Variants in MYO9A observed in about 807,000 individuals in gnomAD.
MYO9A encodes myosin IXA.
In MYO9A, 103 loss-of-function variants were observed where a neutral mutation model predicts 293.3. That is an observed-to-expected ratio of 0.35 (90% CI 0.30 to 0.41). The LOEUF is 0.41. Among genes scored for constraint, MYO9A ranks in the 10% least tolerant of loss-of-function variants. MYO9A has a pLI of 1.00. For missense variants in MYO9A, 2,685 were observed against 3,033.0 expected (o/e 0.89, Z 2.69); for synonymous variants, 1,001 against 1,035.7 (o/e 0.97, Z 0.64).
rs369426538 is a variant in MYO9A at position 71,903,004 on chromosome 15, G to A, written c.2937C>T (p.Asn979=). The A allele has an allele frequency of 2.8e-5, 45 of 1,587,438 alleles. No homozygotes were observed. In the African/African-American group the frequency reaches 5.9e-4, roughly 21 times the overall value. ...LPRNIIPSKF[N]IQDFFRKINL... Reference sequence around the variant, plus strand: ...TTATTTTCCTGAAGAAATCCTGAATGTTAAATTTGGATGGAATAATATTTC... The same window carrying A: ...TTATTTTCCTGAAGAAATCCTGAATATTAAATTTGGATGGAATAATATTTC... Residue 979 remains asparagine, a synonymous_variant, in exon 22 of 42, where the codon AAC becomes AAT. Coordinates refer to ENST00000356056, the MANE Select transcript of MYO9A (RefSeq NM_006901.4).
intron 3 of MYO9A, among the ~76,000 whole-genome samples, chr15:72,031,599 G>A (rs2077873579): frequency 1.3e-5 from 2 of 152,056 alleles, no homozygotes; most frequent in African/African-American, 2.4e-5. Context: ...ACTATCTTTG[G>A]GTAACTGAAG....
chr15:72,003,850 A>G (rs1025586923), intron 8 of MYO9A, among the ~76,000 whole-genome samples: 1 of 152,218 alleles, frequency 6.6e-6, no homozygotes, highest in Non-Finnish European at 1.5e-5. Context: ...AATAAAAGAC[A>G]TCAAATACAG....
intron 10 of MYO9A, among the ~76,000 whole-genome samples, chr15:71,993,149 G>A (rs1375898069): frequency 2.6e-5 from 4 of 151,768 alleles, no homozygotes; most frequent in Admixed American, 1.3e-4. Flanking sequence ...TCAGGTGTTC[G>A]AGACCAGCCT....
At chr15:72,076,090 G>C (rs1453237433) in intron 1 of MYO9A, among the ~76,000 whole-genome samples, 1 of 152,178 alleles carries the variant, frequency 6.6e-6, no homozygotes, top group East Asian at 1.9e-4. Context: ...GATCACTTGA[G>C]GTCAGGAGTT....
chr15:71,877,372 T>C (rs897863289), intron 31 of MYO9A, among the ~76,000 whole-genome samples: 6 of 152,130 alleles, frequency 3.9e-5, no homozygotes, highest in African/African-American at 1.4e-4. Context: ...AGAATAAATA[T>C]AATTTGTAGG....
At chr15:71,902,908 A>C in intron 22 of MYO9A, 33 bp downstream of exon 22, 2 of 1,429,270 alleles carry the variant, frequency 1.4e-6, no homozygotes, top group Non-Finnish European at 1.9e-6. Context: ...AAATGCACTC[A>C]ATTTTGACCA....
intron 26 of MYO9A, chr15:71,893,126 C>CG: frequency 7.8e-7 from 1 of 1,290,022 alleles, no homozygotes; most frequent in Non-Finnish European, 1.0e-6. Context: ...GTCAAGAAAT[C>CG]GGAGCGCGTC....
In MYO9A at chr15:71,967,990, C is replaced by T; in HGVS notation, c.1980G>A (p.Gly660=). The T allele has an allele frequency of 6.2e-7, 1 of 1,608,878 alleles. No homozygotes were observed. Among genetic ancestry groups the T allele is most frequent in the African/African-American group, 1.3e-5 (1 of 74,798 alleles). Residue 660 remains glycine (G), a synonymous_variant, in exon 13 of 42, where the codon GGG becomes GGA. Transcript: ENST00000356056. ...CAGTGAGAAATTTACTGACCTTTAC[C>T]CCATATTTTACTTTTCCAGCATAAT... is the stretch of plus-strand genomic sequence containing the variant. ...IKHYAGKVKY[G]VKDFREKNTD... is the part of the protein sequence containing the mutation.
rs1393354334 is a variant in MYO9A at position 71,897,180 on chromosome 15, C to T, written c.5042+281G>A. ...GCAACCAGTATTCGGTGAATGCCTA[C>T]TATGTTTATAGGCACTGTACTGCCC... On this transcript the variant is annotated intron_variant, in intron 25 of 41. Transcript: ENST00000356056. 6.0e-5 allele frequency: 19 copies of T among 314,680 alleles called. No individual in the cohort carries two copies. The Admixed American group carries it at 6.6e-4, about 11-fold the overall frequency. The allele number at this position is 314,680 out of a possible 1,614,324, so 19.5% of individuals were successfully genotyped here.
At chr15:71,828,365 A>T (rs1010520236) in intron 40 of MYO9A, among the ~76,000 whole-genome samples, 11 of 152,190 alleles carry the variant, frequency 7.2e-5, no homozygotes, top group African/African-American at 2.7e-4. Context: ...TCCATAATGC[A>T]TCAGGAAAGT....
chr15:72,008,373 TTTA>T (rs1164344448), intron 7 of MYO9A, among the ~76,000 whole-genome samples: 1 of 152,078 alleles, frequency 6.6e-6, no homozygotes, highest in Non-Finnish European at 1.5e-5. Flanking sequence ...TAGCTGATTT[TTTA>T]TTATTAGTTA....
At chr15:71,877,481 G>A (rs571891711) in intron 31 of MYO9A, among the ~76,000 whole-genome samples, 6 of 150,980 alleles carry the variant, frequency 4.0e-5, no homozygotes, top group Non-Finnish European at 5.9e-5. Flanking sequence ...TTTTTAAGAC[G>A]GAGTCGCACT....
intron 1 of MYO9A, among the ~76,000 whole-genome samples, chr15:72,081,131 G>C (rs1393896072): frequency 6.6e-6 from 1 of 152,118 alleles, no homozygotes; most frequent in Non-Finnish European, 1.5e-5. Context: ...AGGTCACTGA[G>C]GAATCACCAC....
At chr15:72,096,694 T>C (rs1383966114) in intron 1 of MYO9A, among the ~76,000 whole-genome samples, 1 of 152,216 alleles carries the variant, frequency 6.6e-6, no homozygotes, top group African/African-American at 2.4e-5. Context: ...ATTCCCCTTA[T>C]GGATCTGGGC....
intron 15 of MYO9A, among the ~76,000 whole-genome samples, chr15:71,951,407 C>T (rs938263240): frequency 9.9e-5 from 15 of 151,388 alleles, no homozygotes; most frequent in African/African-American, 3.4e-4. Flanking sequence ...CAGTTTTTTA[C>T]TTCAATTAGA....
chr15:71,927,489 C>T (rs1194143718), intron 18 of MYO9A, among the ~76,000 whole-genome samples: 3 of 152,120 alleles, frequency 2.0e-5, no homozygotes, highest in Non-Finnish European at 2.9e-5. Flanking sequence ...CCCTCAATAT[C>T]CATGGGGATT....
At chr15:71,861,396 T>C (rs1457734390) in intron 33 of MYO9A, among the ~76,000 whole-genome samples, 9 of 150,994 alleles carry the variant, frequency 6.0e-5, no homozygotes, top group Non-Finnish European at 1.0e-4. Flanking sequence ...CAGAACCAAG[T>C]TGATCTACAA....
chr15:71,898,097 G>A lies in MYO9A; in HGVS notation c.4406C>T (p.Ser1469Leu). Residue 1469 changes from serine to leucine, a missense_variant, in exon 25 of 42, where the codon TCA (serine) becomes TTA (leucine). By Grantham distance (145) the Ser-to-Leu change is moderately radical (BLOSUM62 -2). This residue lies in a region of MYO9A where 1,434 missense variants were observed against 1,497.7 expected (regional missense o/e 0.96). Transcript: ENST00000356056. ...INRETRRYHC[S>L]GKDQIVPSLN... The stretch of plus-strand genomic sequence containing the variant: ...AGAAGGAACAATCTGATCTTTTCCT[G>A]AGCAGTGATACCTTCTAGTTTCCCT... 6.2e-7 allele frequency: 1 copy of A among 1,614,118 alleles called. No individual in the cohort carries two copies.
chr15:72,106,760 C>T lies in MYO9A; in HGVS notation c.-72+10920G>A, dbSNP rs113447194. ...GGATTACAGGCGTGAGCCATAGCAC[C>T]CAGCCAAATTAAGTCTAAAAACAGG... On this transcript the variant is annotated intron_variant, in intron 1 of 41. Transcript: ENST00000356056. 1.4e-3 allele frequency among the ~76,000 whole-genome samples: 215 copies of T among 152,124 alleles called. 1 individual carries two copies. Among genetic ancestry groups the T allele is most frequent in the Non-Finnish European group, 2.5e-3 (170 of 67,990 alleles).
Sources: allele counts gnomAD v4.1 joint callset (sites outside exome capture counted in the v4.1 genomes callset), GRCh38; gene constraint gnomAD v4.1.1; regional missense constraint gnomAD v4.1.1; transcripts MANE v1.5; gene names NCBI Gene and HGNC (gene_info 2026-07-23, HGNC 2026-07-21).